DGKG: variants seen among roughly 807,000 people sequenced by gnomAD.
DGKG encodes the protein diacylglycerol kinase gamma, also known as DAG kinase gamma.
A neutral mutation model predicts 105.3 loss-of-function variants in DGKG; 78 were observed. The observed-to-expected ratio is 0.74, with a 90% confidence interval of 0.62 to 0.89. The LOEUF is 0.89. Among genes scored for constraint, DGKG ranks in the 40% least tolerant of loss-of-function variants. The pLI is 0.00. For missense variants in DGKG, 958 were observed against 1,020.1 expected (o/e 0.94, Z 0.83); for synonymous variants, 346 against 367.1 (o/e 0.94, Z 0.66).
intron 1 of DGKG, among the ~76,000 whole-genome samples, chr3:186,356,870 G>C (rs74973453): frequency 2.6e-5 from 4 of 152,306 alleles, no homozygotes; most frequent in African/African-American, 9.6e-5. Context: ...GTCTGCTCTT[G>C]TAGGTTTTTG....
Position 186,149,691 on chromosome 3 carries a change from A to G in DGKG, c.*399T>C. 9.9e-7 allele frequency: 1 copy of G among 1,005,256 alleles called. No homozygotes were observed. The highest frequency in any genetic ancestry group is 1.2e-6 in the Non-Finnish European group (1 of 841,686). The allele number at this position is 1,005,256 out of a possible 1,614,324, so 62.3% of individuals were successfully genotyped here. On this transcript the variant is annotated 3_prime_UTR_variant, in exon 25 of 25. Transcript: ENST00000265022. ...CCTTGGCCACATCTGATCTCACCAT[A>G]GGCAGGAAACCTGCAGCCTGCTCCT... is the stretch of plus-strand genomic sequence containing the variant.
chr3:186,331,142 T>G (rs6767474), intron 1 of DGKG, among the ~76,000 whole-genome samples: 51,067 of 152,130 alleles, frequency 0.34, 10,918 homozygotes, highest in African/African-American at 0.61. Flanking sequence ...ATATGATAAT[T>G]ATGAAGTCAA....
chr3:186,197,804 C>T (rs1222372584), intron 21 of DGKG, among the ~76,000 whole-genome samples: 3 of 152,210 alleles, frequency 2.0e-5, no homozygotes, highest in African/African-American at 7.2e-5. Flanking sequence ...GCTGTACACG[C>T]TGCCTAAACT....
At chr3:186,156,824 G>A (rs1035741634) in intron 24 of DGKG, among the ~76,000 whole-genome samples, 57 of 151,564 alleles carry the variant, frequency 3.8e-4, no homozygotes, top group Non-Finnish European at 7.1e-4. Flanking sequence ...TATTAATGCC[G>A]GAAAACTTAA....
chr3:186,265,349 GC>G (rs764733319), intron 13 of DGKG, 43 bp from the exon 14 acceptor site: 1 of 1,575,508 alleles, frequency 6.3e-7, no homozygotes, highest in African/African-American at 1.3e-5. Context: ...GGAAAAAGAA[GC>G]CTAACACAAA....
In DGKG at chr3:186,251,771, G is replaced by A; in HGVS notation, c.1749C>T (p.Phe583=). 1 of 1,614,202 alleles carries A rather than the reference G, an allele frequency of 6.2e-7. No individual in the cohort carries two copies. The highest frequency in any genetic ancestry group is 8.5e-7 in the Non-Finnish European group (1 of 1,180,022). Reference sequence around the variant, plus strand: ...TTGACCAACTCACCACACCAATGGAGAAATAGTTGTTCATGATGCTGTATG... The same window carrying A: ...TTGACCAACTCACCACACCAATGGAAAAATAGTTGTTCATGATGCTGTATG... ...QVPYSIMNNY[F]SIGVDASIAH... Residue 583 remains phenylalanine, a synonymous_variant, in exon 19 of 25, where the codon TTC becomes TTT. Coordinates refer to ENST00000265022, the MANE Select transcript of DGKG (RefSeq NM_001346.3).
intron 5 of DGKG, among the ~76,000 whole-genome samples, chr3:186,292,409 A>C (rs1359647324): frequency 6.6e-6 from 1 of 152,210 alleles, no homozygotes; most frequent in African/African-American, 2.4e-5. Context: ...TCATCTGTTT[A>C]AAGAGGGGAT....
intron 11 of DGKG, among the ~76,000 whole-genome samples, chr3:186,270,275 G>A (rs1294719707): frequency 6.6e-6 from 1 of 152,120 alleles, no homozygotes; most frequent in Non-Finnish European, 1.5e-5. Flanking sequence ...ACAGGCACAT[G>A]CCACCACACC....
At chr3:186,270,023 T>C (rs893814655) in intron 11 of DGKG, among the ~76,000 whole-genome samples, 6 of 152,178 alleles carry the variant, frequency 3.9e-5, no homozygotes, top group Non-Finnish European at 8.8e-5. Flanking sequence ...GGATATGGAC[T>C]CTGGGAGAAG....
intron 19 of DGKG, among the ~76,000 whole-genome samples, chr3:186,243,936 G>A (rs1381099419): frequency 1.9e-5 from 2 of 106,540 alleles, no homozygotes; most frequent in East Asian, 3.2e-4. Context: ...TGCTCTTGTC[G>A]CCCAGGCTGG....
chr3:186,213,162 A>G (rs958269099), intron 20 of DGKG, among the ~76,000 whole-genome samples: 5 of 152,212 alleles, frequency 3.3e-5, no homozygotes, highest in African/African-American at 7.2e-5. Flanking sequence ...GAACTAATAA[A>G]TGATGAAGAA....
intron 3 of DGKG, among the ~76,000 whole-genome samples, chr3:186,306,044 C>G (rs1027121239): frequency 6.6e-6 from 1 of 152,118 alleles, no homozygotes; most frequent in Non-Finnish European, 1.5e-5. Context: ...ATGACTTGAC[C>G]AACCGTGTCC....
chr3:186,295,814 G>C (rs9870928), intron 5 of DGKG, among the ~76,000 whole-genome samples: 1 of 151,920 alleles, frequency 6.6e-6, no homozygotes, highest in East Asian at 1.9e-4. Context: ...ACCATACTGA[G>C]TTAAGAATAG....
chr3:186,302,514 G>GTATA (rs1172001065), intron 3 of DGKG, among the ~76,000 whole-genome samples: 2 of 16,730 alleles, frequency 1.2e-4, no homozygotes, highest in African/African-American at 6.0e-4. Flanking sequence ...ATACATATGT[G>GTATA]TATATATATA....
intron 19 of DGKG, among the ~76,000 whole-genome samples, chr3:186,251,369 T>C (rs1409091652): frequency 6.6e-6 from 1 of 152,166 alleles, no homozygotes; most frequent in African/African-American, 2.4e-5. Context: ...ATGGTCTTCC[T>C]TTGAAGATCA....
At position 186,279,855 on chromosome 3, in the gene DGKG, T is replaced by A. The variant is rs1722749183; in HGVS notation, c.788A>T (p.Asp263Val). Residue 263 changes from aspartate to valine, a missense_variant, in exon 9 of 25, where the codon GAC becomes GTC. This residue lies in a region of DGKG where 643 missense variants were observed against 619.5 expected (regional missense o/e 1.04). Coordinates refer to ENST00000265022, the MANE Select transcript of DGKG (RefSeq NM_001346.3). ...IPLLVLLGMD[D>V]SGSKGDGRHA... ...AACTCCAGCTTGTTGACTTACAGAG[T>A]CATCCATCCCCAGGAGGACCAGCAA... is the stretch of plus-strand genomic sequence containing the variant. 1.2e-6 allele frequency: 2 copies of A among 1,613,182 alleles called. No individual in the cohort carries two copies. The highest frequency in any genetic ancestry group is 1.3e-5 in the African/African-American group (1 of 74,830).
intron 17 of DGKG, among the ~76,000 whole-genome samples, chr3:186,256,667 C>G (rs1338133675): frequency 1.3e-5 from 2 of 152,264 alleles, no homozygotes; most frequent in East Asian, 3.8e-4. Flanking sequence ...CCCCTCGTCA[C>G]CTCTGCTTCA....
chr3:186,297,068 T>TCTCTCTCTCTCACACACACACACACA (rs1452573661), intron 5 of DGKG, among the ~76,000 whole-genome samples: 3 of 130,506 alleles, frequency 2.3e-5, no homozygotes, highest in African/African-American at 8.6e-5. Context: ...TCTGTCTCTC[T>TCTCTCTCTCTCACACACACACACACA]CACACACACA....
intron 24 of DGKG, among the ~76,000 whole-genome samples, chr3:186,153,970 A>T (rs1715900829): frequency 6.6e-6 from 1 of 152,060 alleles, no homozygotes; most frequent in Non-Finnish European, 1.5e-5. Context: ...CTAGACGTGG[A>T]GGCGCGCCCT....
Sources: allele counts gnomAD v4.1 joint callset (sites outside exome capture counted in the v4.1 genomes callset), GRCh38; gene constraint gnomAD v4.1.1; regional missense constraint gnomAD v4.1.1; transcripts MANE v1.5; gene names NCBI Gene and HGNC (gene_info 2026-07-23, HGNC 2026-07-21).